The following PEAK1 variants were observed in gnomAD, a reference collection of about 807,000 sequenced individuals.
The protein encoded by PEAK1 is inactive tyrosine-protein kinase PEAK1.
In PEAK1, 54 loss-of-function variants were observed where a neutral mutation model predicts 124.7. The observed-to-expected ratio is 0.43, with a 90% CI of 0.35 to 0.54. PEAK1 has a LOEUF of 0.54. PEAK1 is among the 20% of genes least tolerant of loss of function. The pLI, the probability that PEAK1 is intolerant of heterozygous loss-of-function variation, is 0.01. For synonymous variants in PEAK1, 719 were observed against 760.0 expected, an observed-to-expected ratio of 0.95 and a Z score of 0.89; for missense variants, 2,046 against 2,134.5, an observed-to-expected ratio of 0.96 and a Z score of 0.82.
intron 2 of PEAK1, among the ~76,000 whole-genome samples, chr15:77,305,320 G>A (rs1383946627): frequency 2.6e-5 from 4 of 152,084 alleles, no homozygotes; most frequent in East Asian, 1.9e-4. Context: ...TAAATCCACT[G>A]TCCTCCATAT....
chr15:77,155,568 T>TA (rs1222147768), intron 8 of PEAK1: 1 of 152,278 alleles, frequency 6.6e-6, no homozygotes, highest in African/African-American at 2.4e-5. Flanking sequence ...CTCTGCTTTT[T>TA]AGAGTTTCCA....
At chr15:77,215,392 C>T (rs1373421321) in intron 6 of PEAK1, among the ~76,000 whole-genome samples, 1 of 152,192 alleles carries the variant, frequency 6.6e-6, no homozygotes, top group Non-Finnish European at 1.5e-5. Flanking sequence ...ATAGCTATCC[C>T]TCAGTGTCTC....
chr15:77,328,378 G>C (rs1037069870), intron 2 of PEAK1, among the ~76,000 whole-genome samples: 5 of 152,094 alleles, frequency 3.3e-5, no homozygotes, highest in African/African-American at 1.2e-4. Flanking sequence ...CTGAAGCTCT[G>C]ACACCATGCA....
chr15:77,205,573 T>A (rs1175380105), intron 6 of PEAK1, among the ~76,000 whole-genome samples: 5 of 152,182 alleles, frequency 3.3e-5, no homozygotes, highest in Admixed American at 2.0e-4. Context: ...GCTCTCCTTA[T>A]CAGAATTGTG....
chr15:77,367,267 ACT>A (rs1289499718), intron 1 of PEAK1, among the ~76,000 whole-genome samples: 3 of 152,160 alleles, frequency 2.0e-5, no homozygotes, highest in Non-Finnish European at 4.4e-5. Context: ...ATACATAGGA[ACT>A]CTCTGTACTG....
intron 2 of PEAK1, chr15:77,337,213 T>A: frequency 1.0e-6 from 1 of 981,940 alleles, no homozygotes; most frequent in Non-Finnish European, 1.2e-6. Flanking sequence ...CCAAATAAAC[T>A]CAGCCAAGAC....
At chr15:77,339,173 C>T (rs2066387187) in intron 2 of PEAK1, among the ~76,000 whole-genome samples, 1 of 150,578 alleles carries the variant, frequency 6.6e-6, no homozygotes, top group Admixed American at 6.6e-5. Context: ...TATGGTACTG[C>T]AATCATGCCT....
In PEAK1 at chr15:77,114,392, C is replaced by G; in HGVS notation, c.5005G>C (p.Gly1669Arg). 6.2e-7 allele frequency: 1 copy of G among 1,614,108 alleles called. No homozygotes were observed. The highest frequency in any genetic ancestry group is 8.5e-7 in the Non-Finnish European group (1 of 1,180,028). Reference protein sequence around the residue: ...AKGILQCLLWGPREDLFQTFT... With the variant: ...AKGILQCLLWRPREDLFQTFT... Reference sequence around the variant, plus strand: ...GTCTGGAAGAGATCTTCGCGGGGGCCCCAGAGCAGACACTGGAGGATGCCT... The same window carrying G: ...GTCTGGAAGAGATCTTCGCGGGGGCGCCAGAGCAGACACTGGAGGATGCCT... Residue 1669 changes from glycine to arginine, a missense_variant, in exon 10 of 10, where the codon GGC becomes CGC. Coordinates refer to ENST00000682557, the MANE Select transcript of PEAK1 (RefSeq NM_001385026.1).
At chr15:77,208,445 G>A (rs117088820) in intron 6 of PEAK1, among the ~76,000 whole-genome samples, 2 of 152,084 alleles carry the variant, frequency 1.3e-5, no homozygotes, top group African/African-American at 2.4e-5. Context: ...CCCTTGTCTA[G>A]AGTCACTAGT....
intron 6 of PEAK1, among the ~76,000 whole-genome samples, chr15:77,205,346 G>C (rs2058587748): frequency 6.6e-6 from 1 of 151,340 alleles, no homozygotes; most frequent in African/African-American, 2.4e-5. Flanking sequence ...AGGATATTGA[G>C]TTATGGGAGG....
chr15:77,379,006 T>G (rs1360809675), intron 1 of PEAK1, among the ~76,000 whole-genome samples: 1 of 152,194 alleles, frequency 6.6e-6, no homozygotes, highest in Non-Finnish European at 1.5e-5. Context: ...CTTTAACTGG[T>G]TTGTTTTTAA....
intron 6 of PEAK1, among the ~76,000 whole-genome samples, chr15:77,218,449 A>G (rs1159101404): frequency 6.6e-6 from 1 of 152,018 alleles, no homozygotes; most frequent in Non-Finnish European, 1.5e-5. Flanking sequence ...AGATTGTCAG[A>G]TGTTAAACCA....
At chr15:77,404,342 C>T in intron 1 of PEAK1, 1 of 985,184 alleles carries the variant, frequency 1.0e-6, no homozygotes. Flanking sequence ...TGTGCTAATA[C>T]TAGCCACCTG....
chr15:77,160,257 T>C (rs895307955), intron 7 of PEAK1, among the ~76,000 whole-genome samples: 5 of 152,178 alleles, frequency 3.3e-5, no homozygotes, highest in African/African-American at 1.2e-4. Flanking sequence ...CAGGTACCAC[T>C]TCGTGTCAAG....
intron 9 of PEAK1, among the ~76,000 whole-genome samples, chr15:77,123,828 G>T (rs1596265251): frequency 6.6e-6 from 1 of 152,062 alleles, no homozygotes; most frequent in South Asian, 2.1e-4. Flanking sequence ...ACGGCAGAAG[G>T]CCAGCCAATA....
chr15:77,147,671 A>G (rs1374732462), intron 8 of PEAK1, among the ~76,000 whole-genome samples: 2 of 152,180 alleles, frequency 1.3e-5, no homozygotes, highest in Non-Finnish European at 2.9e-5. Context: ...GGGTCAGTTA[A>G]GGTGTTACAG....
chr15:77,186,049 GCTCA>G (rs1237735759), intron 6 of PEAK1, among the ~76,000 whole-genome samples: 1 of 152,004 alleles, frequency 6.6e-6, no homozygotes, highest in Non-Finnish European at 1.5e-5. Context: ...TGTTGTATAT[GCTCA>G]CTGTGGAAAC....
At chr15:77,356,143 G>A (rs1157120157) in intron 2 of PEAK1, among the ~76,000 whole-genome samples, 1 of 152,182 alleles carries the variant, frequency 6.6e-6, no homozygotes, top group Non-Finnish European at 1.5e-5. Flanking sequence ...GAAGTCTGAA[G>A]GAACTTAAGG....
intron 6 of PEAK1, among the ~76,000 whole-genome samples, chr15:77,207,865 A>G (rs114267537): frequency 0.012 from 1,771 of 152,336 alleles, 45 homozygotes; most frequent in African/African-American, 0.04. Flanking sequence ...TTCTAACAAG[A>G]AAACCATGTT....
Sources: allele counts gnomAD v4.1 joint callset (sites outside exome capture counted in the v4.1 genomes callset), GRCh38; gene constraint gnomAD v4.1.1; transcripts MANE v1.5; gene names NCBI Gene and HGNC (gene_info 2026-07-23, HGNC 2026-07-21).